DMD: variants seen among roughly 807,000 people sequenced by gnomAD.
DMD encodes the protein mutant dystrophin.
A neutral mutation model predicts 330.1 loss-of-function variants in DMD; 63 were observed. That is an observed-to-expected ratio of 0.19 (90% CI 0.16 to 0.24). DMD has a LOEUF of 0.24. Ranked by LOEUF, DMD falls within the 10% of genes least tolerant of loss-of-function variation. DMD has a pLI of 1.00. For synonymous variants in DMD, 1,223 were observed against 959.8 expected, an observed-to-expected ratio of 1.27 and a Z score of -5.07; for missense variants, 3,344 against 2,684.1, an observed-to-expected ratio of 1.25 and a Z score of -5.43.
chrX:32,220,224 G>A (rs770466814), intron 43 of DMD, among the ~76,000 whole-genome samples: 1 of 110,856 alleles, frequency 9.0e-6, no homozygotes, highest in Non-Finnish European at 1.9e-5. Context: ...TTTTTCTCTC[G>A]TCTCCTCGTA....
chrX:31,953,511 A>T (rs927934010), intron 45 of DMD, among the ~76,000 whole-genome samples: 45 of 112,127 alleles, frequency 4.0e-4, no homozygotes, highest in Non-Finnish European at 6.6e-4. Context: ...AGTACTTTTT[A>T]TAAATAATCA....
intron 11 of DMD, among the ~76,000 whole-genome samples, chrX:32,628,846 T>A (rs1270454538): frequency 8.9e-6 from 1 of 112,086 alleles, no homozygotes; most frequent in Non-Finnish European, 1.9e-5. Context: ...TTCCTACTGA[T>A]ATCTTGATAT....
At chrX:31,722,920 A>G (rs1008759340) in intron 52 of DMD, among the ~76,000 whole-genome samples, 2 of 109,841 alleles carry the variant, frequency 1.8e-5, no homozygotes, top group Non-Finnish European at 3.8e-5. Context: ...TGATGGTGGG[A>G]GCCTGTAATG....
At chrX:33,133,432 C>A (rs1291762898) in intron 1 of DMD, among the ~76,000 whole-genome samples, 3 of 111,233 alleles carry the variant, frequency 2.7e-5, no homozygotes, top group African/African-American at 9.8e-5. Context: ...CCTGGAGTCA[C>A]CTCCAAATAG....
intron 1 of DMD, among the ~76,000 whole-genome samples, chrX:33,316,205 A>G (rs1322689801): frequency 5.4e-5 from 6 of 110,810 alleles, no homozygotes; most frequent in African/African-American, 2.0e-4. Context: ...GGAAAACTCA[A>G]TTAGCTACCA....
intron 51 of DMD, among the ~76,000 whole-genome samples, chrX:31,741,729 G>T (rs1196167774): frequency 9.1e-6 from 1 of 109,648 alleles, no homozygotes; most frequent in Non-Finnish European, 1.9e-5. Flanking sequence ...TGGTAAACGA[G>T]CACTGGCTTC....
intron 44 of DMD, among the ~76,000 whole-genome samples, chrX:32,150,306 C>T (rs1268729429): frequency 8.9e-6 from 1 of 112,391 alleles, no homozygotes; most frequent in Non-Finnish European, 1.9e-5. Context: ...CACTCACTGG[C>T]ACTCTCTTGT....
At chrX:33,036,132 G>A (rs1041977371) in intron 1 of DMD, among the ~76,000 whole-genome samples, 2 of 106,641 alleles carry the variant, frequency 1.9e-5, no homozygotes, top group Non-Finnish European at 3.8e-5. Context: ...TAAAGAGAGC[G>A]AGAGAGAGAC....
chrX:31,213,806 T>C (rs1249133452), intron 64 of DMD, among the ~76,000 whole-genome samples: 2 of 112,102 alleles, frequency 1.8e-5, no homozygotes, highest in Non-Finnish European at 3.8e-5. Flanking sequence ...CTCCAACTCA[T>C]TCTTAGCTAA....
At chrX:31,489,578 TTC>T (rs1471217716) in intron 57 of DMD, among the ~76,000 whole-genome samples, 2 of 112,459 alleles carry the variant, frequency 1.8e-5, no homozygotes, top group Non-Finnish European at 3.8e-5. Context: ...TACTATGTAT[TTC>T]TGTCACTAAA....
chrX:33,091,575 T>G (rs1209955812), intron 1 of DMD, among the ~76,000 whole-genome samples: 1 of 112,206 alleles, frequency 8.9e-6, no homozygotes, highest in African/African-American at 3.2e-5. Context: ...TTCTACTTTT[T>G]ATTTCCAGCT....
intron 43 of DMD, among the ~76,000 whole-genome samples, chrX:32,231,683 A>T (rs941245319): frequency 1.8e-5 from 2 of 111,689 alleles, no homozygotes; most frequent in Non-Finnish European, 3.8e-5. Flanking sequence ...CACTGGCACC[A>T]TTACCTTCCA....
Position 31,929,747 on chromosome X carries a change from T to C in DMD, c.6763-2A>G, listed in dbSNP as rs398124033. Reference sequence around the variant, plus strand: ...CAGGGGCAACTCTTCCACCAGTAACTGAAACAGACAAATGCAACAACGTTT... The same window carrying C: ...CAGGGGCAACTCTTCCACCAGTAACCGAAACAGACAAATGCAACAACGTTT... On this transcript the variant is annotated splice_acceptor_variant, in intron 46 of 78. Coordinates refer to ENST00000357033, the MANE Select transcript of DMD (RefSeq NM_004006.3). LOFTEE classifies it high-confidence loss of function. The C allele has an allele frequency of 8.3e-7, 1 of 1,211,156 alleles. No individual in the cohort carries two copies. Among genetic ancestry groups the C allele is most frequent in the Admixed American group, 2.2e-5 (1 of 45,981 alleles).
intron 7 of DMD, among the ~76,000 whole-genome samples, chrX:32,783,155 TATAG>T (rs1222545564): frequency 2.0e-5 from 2 of 98,914 alleles, no homozygotes; most frequent in Non-Finnish European, 4.1e-5. Context: ...ATACCATATA[TATAG>T]ATATATGGCA....
intron 77 of DMD, among the ~76,000 whole-genome samples, chrX:31,131,173 A>T (rs1746795750): frequency 8.9e-6 from 1 of 112,023 alleles, no homozygotes; most frequent in Admixed American, 9.4e-5. Context: ...CCACGGCAAA[A>T]ATCTCAAAAT....
chrX:33,040,037 C>T (rs981209947), intron 1 of DMD, among the ~76,000 whole-genome samples: 2 of 111,131 alleles, frequency 1.8e-5, no homozygotes, highest in Non-Finnish European at 3.8e-5. Context: ...AAGAAAATAG[C>T]TCCAATTGTA....
At chrX:31,220,241 C>A (rs2045863104) in intron 64 of DMD, among the ~76,000 whole-genome samples, 1 of 111,615 alleles carries the variant, frequency 9.0e-6, no homozygotes, top group African/African-American at 3.3e-5. Context: ...CCTCAGCCCC[C>A]TCCAACTAGC....
intron 7 of DMD, among the ~76,000 whole-genome samples, chrX:32,733,422 A>T (rs1023230872): frequency 9.1e-6 from 1 of 110,417 alleles, no homozygotes; most frequent in African/African-American, 3.4e-5. Context: ...CCTAATAGAC[A>T]TCTACAGAAC....
chrX:32,372,651 T>C (rs1235231184), intron 34 of DMD, among the ~76,000 whole-genome samples: 1 of 111,536 alleles, frequency 9.0e-6, no homozygotes, highest in Non-Finnish European at 1.9e-5. Context: ...ATCCATATTT[T>C]TAAAAACTTA....
Sources: allele counts gnomAD v4.1 joint callset (sites outside exome capture counted in the v4.1 genomes callset), GRCh38; gene constraint gnomAD v4.1.1; transcripts MANE v1.5; gene names NCBI Gene and HGNC (gene_info 2026-07-23, HGNC 2026-07-21).